Variants in INSL6 observed in about 807,000 individuals in gnomAD.
INSL6 encodes the protein insulin-like peptide INSL6.
Under a neutral mutation model 9.4 loss-of-function variants are expected in INSL6, and 16 were observed. That is an observed-to-expected ratio of 1.70 (90% CI 1.15 to 2.59). The LOEUF is 2.59. Among genes scored for constraint, INSL6 ranks in the 30% most tolerant of loss-of-function variants. INSL6 has a pLI of 0.00. For synonymous variants in INSL6, 154 were observed against 96.9 expected (o/e 1.59, Z -3.46); for missense variants, 391 against 257.3 (o/e 1.52, Z -3.56).
At chr9:5,073,677 T>C in the INSL6 span, 7 of 1,566,296 alleles carry the variant, frequency 4.5e-6, no homozygotes, top group Non-Finnish European at 2.6e-6. Flanking sequence ...AACAATTCTT[T>C]GTACTTTTTT....
chr9:5,013,559 T>C, the INSL6 span, among the ~76,000 whole-genome samples: 2 of 152,216 alleles, frequency 1.3e-5, no homozygotes, highest in Non-Finnish European at 2.9e-5. Flanking sequence ...CAAACTTGTC[T>C]CTACTTTGTT....
At chr9:5,111,273 C>G in the INSL6 span, 1 of 491,746 alleles carries the variant, frequency 2.0e-6, no homozygotes, top group Non-Finnish European at 3.9e-6. Context: ...CAGCCTGACT[C>G]AGGCTGGCTT....
At chr9:5,003,803 C>G in the INSL6 span, among the ~76,000 whole-genome samples, 2 of 151,932 alleles carry the variant, frequency 1.3e-5, no homozygotes, top group Non-Finnish European at 2.9e-5. Context: ...AGAACAAGAT[C>G]AATATTTTAC....
the INSL6 span, chr9:5,112,778 G>A: frequency 3.4e-6 from 2 of 595,444 alleles, no homozygotes; most frequent in East Asian, 3.6e-5. Context: ...CGTGTTCGGA[G>A]GCCCCCAGAT....
chr9:5,020,623 G>C, the INSL6 span, among the ~76,000 whole-genome samples: 1 of 152,158 alleles, frequency 6.6e-6, no homozygotes, highest in Non-Finnish European at 1.5e-5. Context: ...GCTGTACTCA[G>C]GGTGCATGCA....
intron 1 of INSL6, among the ~76,000 whole-genome samples, chr9:5,177,836 A>T (rs879685244): frequency 1.3e-5 from 2 of 152,148 alleles, no homozygotes; most frequent in Non-Finnish European, 2.9e-5. Context: ...AACACAGCAC[A>T]GCTGCTGTGC....
intron 3 of INSL6, among the ~76,000 whole-genome samples, chr9:5,130,909 T>G (rs923194213): frequency 6.6e-6 from 1 of 150,860 alleles, no homozygotes; most frequent in African/African-American, 2.4e-5. Context: ...TTTGTATTTT[T>G]TAGTAGAGAC....
At chr9:5,040,677 A>G in the INSL6 span, among the ~76,000 whole-genome samples, 1 of 152,272 alleles carries the variant, frequency 6.6e-6, no homozygotes. Context: ...TTTTCCAAAT[A>G]AGATATACAA....
chr9:5,054,743 C>G, the INSL6 span: 1 of 1,613,300 alleles, frequency 6.2e-7, no homozygotes, highest in African/African-American at 1.3e-5. The surrounding 1 kb of genome is among the most constrained non-coding windows in gnomAD (Gnocchi z 4.9). Flanking sequence ...AGTCTGCCTT[C>G]TACACAGAGA....
chr9:5,025,697 T>G, the INSL6 span, among the ~76,000 whole-genome samples: 42 of 152,116 alleles, frequency 2.8e-4, no homozygotes, highest in Non-Finnish European at 5.9e-5. Context: ...CACACCCAGC[T>G]AATTTTTGTA....
the INSL6 span, chr9:5,041,189 C>T: frequency 7.1e-7 from 1 of 1,398,684 alleles, no homozygotes; most frequent in Non-Finnish European, 1.0e-6. Flanking sequence ...CCTCATTTAC[C>T]AGGACGTGAA....
At chr9:5,170,999 C>A (rs1389042937) in intron 1 of INSL6, among the ~76,000 whole-genome samples, 1 of 152,168 alleles carries the variant, frequency 6.6e-6, no homozygotes, top group Non-Finnish European at 1.5e-5. Context: ...ATGAGGCCAG[C>A]ATCATCCTGA....
chr9:4,994,471 T>C, the INSL6 span, among the ~76,000 whole-genome samples: 1 of 152,198 alleles, frequency 6.6e-6, no homozygotes, highest in African/African-American at 2.4e-5. Context: ...GGTGATCTGA[T>C]AATGTTGATC....
the INSL6 span, among the ~76,000 whole-genome samples, chr9:5,045,813 A>C: frequency 1.3e-5 from 2 of 152,266 alleles, no homozygotes; most frequent in East Asian, 3.9e-4. Flanking sequence ...TTGTTCATTC[A>C]TCTGTTGATG....
At chr9:5,168,835 G>A (rs1825116052) in intron 1 of INSL6, among the ~76,000 whole-genome samples, 2 of 151,976 alleles carry the variant, frequency 1.3e-5, no homozygotes, top group African/African-American at 4.8e-5. Context: ...GAAAGGTCGA[G>A]TCACCTATAA....
the INSL6 span, chr9:5,030,039 T>A: frequency 4.4e-6 from 3 of 681,702 alleles, no homozygotes; most frequent in African/African-American, 5.5e-5. Flanking sequence ...TAAGATTTCA[T>A]TTAAGATTCT....
chr9:5,092,694 C>T, the INSL6 span, among the ~76,000 whole-genome samples: 35 of 152,242 alleles, frequency 2.3e-4, no homozygotes, highest in African/African-American at 8.2e-4. Flanking sequence ...CCAAGTCCCC[C>T]GAAACCAAAT....
chr9:5,126,409 A>C, intron 3 of INSL6: 1 of 1,610,896 alleles, frequency 6.2e-7, no homozygotes, highest in Non-Finnish European at 8.5e-7. Flanking sequence ...TTGAAGAATA[A>C]TGGAAGATTA....
the INSL6 span, among the ~76,000 whole-genome samples, chr9:5,079,305 A>G: frequency 2.6e-5 from 4 of 152,342 alleles, no homozygotes; most frequent in South Asian, 8.3e-4. Flanking sequence ...TCTATGTCAG[A>G]ATACCAGAAA....
Sources: allele counts gnomAD v4.1 joint callset (sites outside exome capture counted in the v4.1 genomes callset), GRCh38; gene constraint gnomAD v4.1.1; non-coding constraint Gnocchi (gnomAD v3.1); transcripts MANE v1.5; gene names NCBI Gene and HGNC (gene_info 2026-07-23, HGNC 2026-07-21).